LY6G6C: variants seen among roughly 807,000 people sequenced by gnomAD.
LY6G6C encodes the protein lymphocyte antigen 6 complex locus protein G6c.
Under a neutral mutation model 12.8 loss-of-function variants are expected in LY6G6C, and 12 were observed. The observed-to-expected ratio is 0.94, with a 90% CI of 0.60 to 1.52. LY6G6C has a LOEUF of 1.52. Ranked by LOEUF, LY6G6C falls within the 40% of genes most tolerant of loss-of-function variation. The pLI, the probability that LY6G6C is intolerant of heterozygous loss-of-function variation, is 0.00. For synonymous variants in LY6G6C, 42 were observed against 61.6 expected (o/e 0.68, Z 1.49); for missense variants, 125 against 155.8 (o/e 0.80, Z 1.05).
Position 31,721,634 on chromosome 6 carries a change from C to A in LY6G6C, c.46G>T (p.Val16Phe). The part of the protein sequence containing the change: ...LLTLSVLLCW[V>F]SADIRCHSCY... ...GGGGCCCCCAGGTGCTCACCTGAGA[C>A]CCAGCAGAGCAGAACAGACAGGGTG... Residue 16 changes from valine to phenylalanine, a missense_variant, in exon 1 of 3, where the codon GTC (valine) becomes TTC (phenylalanine). Physicochemically the swap from Val to Phe is conservative, Grantham distance 50. Coordinates refer to ENST00000375819, the MANE Select transcript of LY6G6C (RefSeq NM_025261.3). The A allele has an allele frequency of 6.2e-7, 1 of 1,613,740 alleles. No homozygotes were observed. Among genetic ancestry groups the A allele is most frequent in the Non-Finnish European group, 8.5e-7 (1 of 1,179,850 alleles).
In LY6G6C at chr6:31,719,217, G is replaced by A. The variant is rs1806647177; in HGVS notation, c.257C>T (p.Thr86Ile). ...CTTGTTGCAGCAGGTGGTGTTATAT[G>A]TCAGACCCAGCTTGCGGTTGGTTTG... ...FNQTNRKLGLTYNTTCCNKDN... is the reference protein window; with the variant it reads ...FNQTNRKLGLIYNTTCCNKDN... Residue 86 changes from threonine to isoleucine, a missense_variant, in exon 3 of 3, where the codon ACA becomes ATA. Physicochemically the swap from Thr to Ile is moderately conservative, Grantham distance 89. Transcript: ENST00000375819. The A allele has an allele frequency of 6.2e-7, 1 of 1,614,068 alleles. No individual in the cohort carries two copies. Among genetic ancestry groups the A allele is most frequent in the Non-Finnish European group, 8.5e-7 (1 of 1,180,028 alleles).
In LY6G6C at chr6:31,719,008, G is replaced by A. The variant is rs971361069; in HGVS notation, c.*88C>T. ...AAAGAAATGGGAGCTAGGGAGAGAC[G>A]ATTCTGTAAAGCCAGGGGATACAGA... On this transcript the variant is annotated 3_prime_UTR_variant, in exon 3 of 3. Coordinates refer to ENST00000375819, the MANE Select transcript of LY6G6C (RefSeq NM_025261.3). 9.6e-6 allele frequency: 11 copies of A among 1,143,618 alleles called. No homozygotes were observed. The Admixed American group carries it at 1.2e-4, about 12-fold the overall frequency. The allele number at this position is 1,143,618 out of a possible 1,614,324, so 70.8% of individuals were successfully genotyped here. A position where few individuals can be genotyped will look rare whatever the true frequency, so the allele number is the denominator to read the frequency against.
In LY6G6C at chr6:31,719,622, C is replaced by T. The variant is rs185247451; in HGVS notation, c.164-312G>A. On this transcript the variant is annotated intron_variant, in intron 2 of 2. Coordinates refer to ENST00000375819, the MANE Select transcript of LY6G6C (RefSeq NM_025261.3). Reference sequence around the variant, plus strand: ...TGCCATCTCAGCTCACTGCAACCTCCGCCTCCCAGGTTCAAGCGATTCTCC... The same window carrying T: ...TGCCATCTCAGCTCACTGCAACCTCTGCCTCCCAGGTTCAAGCGATTCTCC... Among the ~76,000 whole-genome samples, 63 of 152,206 alleles carry T rather than the reference C, an allele frequency of 4.1e-4. 1 individual carries two copies. The highest frequency in any genetic ancestry group is 1.3e-3 in the African/African-American group (56 of 41,512).
chr6:31,721,526 G>A (rs2151295095), intron 1 of LY6G6C, 102 bp downstream of exon 1: 2 of 1,040,500 alleles, frequency 1.9e-6, no homozygotes, highest in Non-Finnish European at 2.9e-6. Context: ...GGGGCTGGGG[G>A]TGTTGGGATC....
intron 2 of LY6G6C, 136 bp downstream of exon 2, chr6:31,719,957 C>G (rs1306465257): frequency 9.7e-6 from 6 of 621,598 alleles, no homozygotes; most frequent in African/African-American, 7.3e-5. Flanking sequence ...GCCTGGCACA[C>G]AACCATCTTT....
chr6:31,721,197 A>C (rs1806760803), intron 1 of LY6G6C: 2 of 178,734 alleles, frequency 1.1e-5, no homozygotes, highest in Non-Finnish European at 2.3e-5. Flanking sequence ...GGTAGGTTAC[A>C]AAAGGAGCCT....
chr6:31,718,863 A>T lies in LY6G6C; in HGVS notation c.*233T>A. The stretch of plus-strand genomic sequence containing the variant: ...GCAGAGTATAGGAAGCAAAGTGGGG[A>T]GCCCTTCTAGGAGCCAATGGAGGTC... On this transcript the variant is annotated 3_prime_UTR_variant, in exon 3 of 3. Coordinates refer to ENST00000375819, the MANE Select transcript of LY6G6C (RefSeq NM_025261.3). 1 of 576,600 alleles carries T rather than the reference A, an allele frequency of 1.7e-6. No individual in the cohort carries two copies. 35.7% of individuals were successfully genotyped at this position (576,600 alleles called of 1,614,324 possible). A position where few individuals can be genotyped will look rare whatever the true frequency, so the allele number is the denominator to read the frequency against.
intron 1 of LY6G6C, 25 bp downstream of exon 1, chr6:31,721,603 G>C: frequency 6.2e-7 from 1 of 1,612,880 alleles, no homozygotes; most frequent in Non-Finnish European, 8.5e-7. Context: ...GGCAAACCAG[G>C]TCTTTGGGGC....
At position 31,719,292 on chromosome 6, in the gene LY6G6C, G is replaced by A; in HGVS notation, c.182C>T (p.Ser61Phe). 1 of 1,614,188 alleles carries A rather than the reference G, an allele frequency of 6.2e-7. No individual in the cohort carries two copies. Among genetic ancestry groups the A allele is most frequent in the Non-Finnish European group, 8.5e-7 (1 of 1,180,014 alleles). ...HAYLGKMWVF[S>F]NLRCGTPEEP... ...TTCTGGTGTGCCACAGCGCAGATTG[G>A]AGAAAACCCACATCTTACCTAGGGG... is the stretch of plus-strand genomic sequence containing the variant. The change falls in exon 3 of 3, where the codon TCC (serine) becomes TTC (phenylalanine). Residue 61 changes from serine to phenylalanine, a missense_variant. Coordinates refer to ENST00000375819, the MANE Select transcript of LY6G6C (RefSeq NM_025261.3).
intron 2 of LY6G6C, among the ~76,000 whole-genome samples, chr6:31,719,868 C>T (rs1392951633): frequency 6.6e-6 from 1 of 152,094 alleles, no homozygotes; most frequent in Non-Finnish European, 1.5e-5. Flanking sequence ...GCCGTTTTCT[C>T]AGTATAATAA....
chr6:31,721,099 T>G (rs1806750657), intron 1 of LY6G6C: 2 of 154,116 alleles, frequency 1.3e-5, no homozygotes, highest in Non-Finnish European at 2.9e-5. Flanking sequence ...GGAGGAGGTA[T>G]GCAACCCAGG....
chr6:31,718,902 G>A lies in LY6G6C; in HGVS notation c.*194C>T, dbSNP rs117223947. 411 of 594,422 alleles carry A rather than the reference G, an allele frequency of 6.9e-4. 4 individuals carry two copies. In the East Asian group the frequency reaches 9.8e-3, roughly 14 times the overall value. The allele number at this position is 594,422 out of a possible 1,614,324, so 36.8% of individuals were successfully genotyped here. ...CCAATGGAGGTCCTGGAAGGAAGTG[G>A]GAAGGGACCCAGAAAAAGGAGAGTG... On this transcript the variant is annotated 3_prime_UTR_variant, in exon 3 of 3. Coordinates refer to ENST00000375819, the MANE Select transcript of LY6G6C (RefSeq NM_025261.3).
Position 31,720,311 on chromosome 6 carries a change from C to T in LY6G6C, c.53-108G>A. ...TGGAGAAGAGCCCATCCCGTAGGTG[C>T]TCCAACCTGTTTGGCTGTTTGGTCT... On this transcript the variant is annotated intron_variant, in intron 1 of 2. Coordinates refer to ENST00000375819, the MANE Select transcript of LY6G6C (RefSeq NM_025261.3). This position sits in a 1 kb window ranked among gnomAD's most constrained non-coding sequence, Gnocchi z 4.9. The T allele has an allele frequency of 4.2e-6, 3 of 722,198 alleles. No homozygotes were observed. The highest frequency in any genetic ancestry group is 7.2e-6 in the Non-Finnish European group (3 of 414,648). The allele number at this position is 722,198 out of a possible 1,614,324, so 44.7% of individuals were successfully genotyped here. A position where few individuals can be genotyped will look rare whatever the true frequency, so the allele number is the denominator to read the frequency against.
chr6:31,721,352 A>G (rs1440608685), intron 1 of LY6G6C, among the ~76,000 whole-genome samples: 1 of 152,100 alleles, frequency 6.6e-6, no homozygotes, highest in East Asian at 1.9e-4. Context: ...AGGAGGAGAC[A>G]CCTTGGAGTG....
chr6:31,719,063 A>C lies in LY6G6C; in HGVS notation c.*33T>G. ...CAGGGAGAGAGGCTCAGGCCAAGGCAGGTGGGAGGAGGGGCAGCCAATGGA... is the reference window on the plus strand; with the variant it reads ...CAGGGAGAGAGGCTCAGGCCAAGGCCGGTGGGAGGAGGGGCAGCCAATGGA... On this transcript the variant is annotated 3_prime_UTR_variant, in exon 3 of 3. Coordinates refer to ENST00000375819, the MANE Select transcript of LY6G6C (RefSeq NM_025261.3). 6.3e-7 allele frequency: 1 copy of C among 1,576,320 alleles called. No individual in the cohort carries two copies. The highest frequency in any genetic ancestry group is 8.7e-7 in the Non-Finnish European group (1 of 1,147,430).
intron 2 of LY6G6C, among the ~76,000 whole-genome samples, chr6:31,719,708 T>C (rs1806681795): frequency 6.6e-6 from 1 of 152,050 alleles, no homozygotes; most frequent in Admixed American, 6.5e-5. Context: ...GGCTAATTTT[T>C]GTATATTTAG....
Position 31,718,971 on chromosome 6 carries a change from CAG to C in LY6G6C, c.*123_*124del. 3.8e-6 allele frequency: 3 copies of C among 782,450 alleles called. No homozygotes were observed. The East Asian group carries it at 7.5e-5, about 20-fold the overall frequency. The allele number at this position is 782,450 out of a possible 1,614,324, so 48.5% of individuals were successfully genotyped here. On this transcript the variant is annotated 3_prime_UTR_variant, in exon 3 of 3. Transcript: ENST00000375819. ...GGATGGATGAGGAGACCACTCGGAA[CAG>C]TGTTTAATTAAAGAAATGGGAGCTA...
rs1806712884 is a variant in LY6G6C at position 31,720,263 on chromosome 6, G to A, written c.53-60C>T. 4.8e-6 allele frequency: 6 copies of A among 1,244,506 alleles called. No homozygotes were observed. Among genetic ancestry groups the A allele is most frequent in the Non-Finnish European group, 7.1e-6 (6 of 849,990 alleles). The allele number at this position is 1,244,506 out of a possible 1,614,324, so 77.1% of individuals were successfully genotyped here. ...TCTCTGACTTACCTGGGGATAAGCT[G>A]AGCTGGGGGCAGGGGTGGAGGGTGG... On this transcript the variant is annotated intron_variant, in intron 1 of 2. Transcript: ENST00000375819. This position sits in a 1 kb window ranked among gnomAD's most constrained non-coding sequence, Gnocchi z 4.9.
chr6:31,721,370 G>A (rs1382394381), intron 1 of LY6G6C, among the ~76,000 whole-genome samples: 1 of 152,134 alleles, frequency 6.6e-6, no homozygotes, highest in African/African-American at 2.4e-5. Flanking sequence ...GTGGGGAACA[G>A]GGGACCCAGA....
Sources: allele counts gnomAD v4.1 joint callset (sites outside exome capture counted in the v4.1 genomes callset), GRCh38; gene constraint gnomAD v4.1.1; non-coding constraint Gnocchi (gnomAD v3.1); transcripts MANE v1.5; gene names NCBI Gene and HGNC (gene_info 2026-07-23, HGNC 2026-07-21).